Variants in FUS observed in about 807,000 individuals in gnomAD.
FUS encodes the protein FUS RNA binding protein, also known as RNA-binding protein FUS.
In FUS, 5 loss-of-function variants were observed where a neutral mutation model predicts 82.7. The observed-to-expected ratio is 0.06, with a 90% confidence interval of 0.03 to 0.13. The LOEUF is 0.13. Ranked by LOEUF, FUS falls within the 10% of genes least tolerant of loss-of-function variation. The pLI, the probability that FUS is intolerant of heterozygous loss-of-function variation, is 1.00. For missense variants in FUS, 512 were observed against 707.8 expected (o/e 0.72, Z 3.14); for synonymous variants, 281 against 247.4 (o/e 1.14, Z -1.27).
intron 9 of FUS, among the ~76,000 whole-genome samples, chr16:31,189,437 C>T (rs911733332): frequency 2.0e-5 from 3 of 152,044 alleles, no homozygotes; most frequent in Non-Finnish European, 1.5e-5. Context: ...ATCAGAGTAC[C>T]CTAAACTCTT....
Position 31,190,310 on chromosome 16 carries a change from AGTG to A in FUS, c.1215_1217del (p.Gly406del), listed in dbSNP as rs2079334877. 1 of 1,613,758 alleles carries A rather than the reference AGTG, an allele frequency of 6.2e-7. No homozygotes were observed. The highest frequency in any genetic ancestry group is 8.5e-7 in the Non-Finnish European group (1 of 1,179,744). ...CCGTGGAGGCTATGGAGGTGGTGGC[AGTG>A]GTGGTGGTGGCCGAGGAGGATTTCC... is the stretch of plus-strand genomic sequence containing the variant. On this transcript the variant is annotated inframe_deletion, in exon 12 of 15. Transcript: ENST00000254108.
intron 9 of FUS, 114 bp from the exon 10 acceptor site, chr16:31,189,551 G>A: frequency 7.0e-7 from 1 of 1,420,234 alleles, no homozygotes; most frequent in African/African-American, 1.4e-5. Context: ...AGAAGTAACT[G>A]GGAAGAGGGG....
At chr16:31,193,319 A>T (rs1359003081), downstream of FUS, 1 of 521,826 alleles carries the variant, frequency 1.9e-6, no homozygotes, top group Non-Finnish European at 3.7e-6. Flanking sequence ...AGGATCGTCA[A>T]GTGGGCCTTC....
downstream of FUS, chr16:31,191,987 A>G (rs755250345): frequency 4.3e-5 from 23 of 532,210 alleles, no homozygotes; most frequent in Admixed American, 6.7e-5. Flanking sequence ...ATGGGGCAGT[A>G]TTCAGATTTG....
At chr16:31,183,638 C>T (rs148250670) in intron 3 of FUS, 4 of 566,416 alleles carry the variant, frequency 7.1e-6, no homozygotes, top group African/African-American at 5.6e-5. Flanking sequence ...TTGGGATTGG[C>T]GGGGTGAAAT....
chr16:31,190,510 T>C lies in FUS; in HGVS notation c.1292+112T>C. On this transcript the variant is annotated intron_variant, in intron 12 of 14. Coordinates refer to ENST00000254108, the MANE Select transcript of FUS (RefSeq NM_004960.4). ...GAAGTAAATGTCAAGGCCACACTGT[T>C]GGGGTCAGATTTAGCCAAAAGCTTA... 2.0e-6 allele frequency: 3 copies of C among 1,529,936 alleles called. No homozygotes were observed. The South Asian group carries it at 3.4e-5, about 17-fold the overall frequency. 94.8% of individuals were successfully genotyped at this position (1,529,936 alleles called of 1,614,324 possible). A position where few individuals can be genotyped will look rare whatever the true frequency, so the allele number is the denominator to read the frequency against.
downstream of FUS, chr16:31,191,978 T>TG: frequency 3.7e-6 from 2 of 533,338 alleles, no homozygotes; most frequent in South Asian, 1.5e-5. Flanking sequence ...TACATTTAAA[T>TG]GGGGCAGTAT....
chr16:31,186,848 G>A lies in FUS; in HGVS notation c.799+12G>A. 1.9e-6 allele frequency: 3 copies of A among 1,612,606 alleles called. No individual in the cohort carries two copies. Among genetic ancestry groups the A allele is most frequent in the Non-Finnish European group, 1.7e-6 (2 of 1,178,568 alleles). Reference sequence around the variant, plus strand: ...CAATAAATTTGGTGGTAAGTGAACAGAGTTTCCAAAATTCCCAACTCCCAG... The same window carrying A: ...CAATAAATTTGGTGGTAAGTGAACAAAGTTTCCAAAATTCCCAACTCCCAG... On this transcript the variant is annotated intron_variant, in intron 7 of 14. Coordinates refer to ENST00000254108, the MANE Select transcript of FUS (RefSeq NM_004960.4).
chr16:31,192,845 T>TA (rs756993898), downstream of FUS: 9 of 483,682 alleles, frequency 1.9e-5, no homozygotes, highest in African/African-American at 3.9e-5. Context: ...GTGCTGGAAT[T>TA]ACAGGCATGA....
chr16:31,183,369 T>G (rs1448830039), intron 3 of FUS: 1 of 165,584 alleles, frequency 6.0e-6, no homozygotes, highest in Non-Finnish European at 1.3e-5. Flanking sequence ...TGACTCTTCT[T>G]ATTTTCCATC....
At chr16:31,180,743 A>G (rs899309463) in intron 1 of FUS, among the ~76,000 whole-genome samples, 1 of 152,050 alleles carries the variant, frequency 6.6e-6, no homozygotes, top group African/African-American at 2.4e-5. Context: ...CTTGTCCCTC[A>G]GTGGTCCTTC....
intron 7 of FUS, chr16:31,187,872 G>T (rs761313845): frequency 3.6e-5 from 9 of 248,678 alleles, no homozygotes; most frequent in Non-Finnish European, 6.3e-5. Flanking sequence ...ATTAAAAATT[G>T]TTCCACAAGG....
downstream of FUS, chr16:31,193,855 G>T (rs559560447): frequency 2.7e-5 from 14 of 523,268 alleles, no homozygotes; most frequent in Middle Eastern, 5.4e-4. Context: ...TCACTGGGTT[G>T]CCCAGGCTGG....
At chr16:31,181,485 T>C (rs1381001677) in intron 1 of FUS, among the ~76,000 whole-genome samples, 1 of 152,208 alleles carries the variant, frequency 6.6e-6, no homozygotes, top group Non-Finnish European at 1.5e-5. Context: ...TTTCGCCTCC[T>C]AAGGCGAGCA....
At position 31,189,723 on chromosome 16, in the gene FUS, A is replaced by G. The variant is rs1358049515; in HGVS notation, c.995A>G (p.Lys332Arg). 6.2e-7 allele frequency: 1 copy of G among 1,614,126 alleles called. No individual in the cohort carries two copies. The highest frequency in any genetic ancestry group is 8.5e-7 in the Non-Finnish European group (1 of 1,180,052). ...TTGTACACAGACAGGGAAACTGGCA[A>G]GCTGAAGGGAGAGGCAACGGTCTCT... ...INLYTDRETG[K>R]LKGEATVSFD... is the part of the protein sequence containing the mutation. Residue 332 changes from lysine to arginine, a missense_variant, in exon 10 of 15, where the codon AAG becomes AGG. Lys to Arg is a conservative substitution (Grantham distance 26). This residue lies in a region of FUS where 26 missense variants were observed against 109.3 expected (regional missense o/e 0.24). Transcript: ENST00000254108.
chr16:31,193,478 T>TAGAA, downstream of FUS: 1 of 528,442 alleles, frequency 1.9e-6, no homozygotes, highest in Non-Finnish European at 3.7e-6. Context: ...AGCAGGATTC[T>TAGAA]AATCTTGCTT....
downstream of FUS, chr16:31,191,828 G>A (rs773839938): frequency 2.0e-5 from 11 of 559,740 alleles, no homozygotes; most frequent in South Asian, 1.7e-4. Context: ...ATGAGTGTTG[G>A]CCTAAATTTG....
chr16:31,194,216 C>T, downstream of FUS: 1 of 531,092 alleles, frequency 1.9e-6, no homozygotes, highest in Non-Finnish European at 3.6e-6. Context: ...GAATTAAGGT[C>T]TAGGGTCCAG....
At chr16:31,186,384 C>A in intron 6 of FUS, 1 of 343,016 alleles carries the variant, frequency 2.9e-6, no homozygotes, top group Non-Finnish European at 5.5e-6. Context: ...AAGCAAAAAC[C>A]ACAAAAATGT....
Sources: gnomAD v4.1 joint callset for allele counts (sites outside exome capture counted in the v4.1 genomes callset) on GRCh38, gnomAD v4.1.1 for gene constraint, gnomAD v4.1.1 regional missense constraint, MANE v1.5 for transcripts, NCBI Gene and HGNC (gene_info 2026-07-23, HGNC 2026-07-21) for gene names.